The following UBA5 variants were observed in gnomAD, a reference collection of about 807,000 sequenced individuals.
The protein encoded by UBA5 is ubiquitin like modifier activating enzyme 5.
A neutral mutation model predicts 52.9 loss-of-function variants in UBA5; 28 were observed. The observed-to-expected ratio is 0.53, with a 90% CI of 0.39 to 0.73. The LOEUF is 0.73. Ranked by LOEUF, UBA5 falls within the 30% of genes least tolerant of loss-of-function variation. UBA5 has a pLI of 0.00. For synonymous variants in UBA5, 135 were observed against 162.1 expected, an observed-to-expected ratio of 0.83 and a Z score of 1.27; for missense variants, 388 against 492.7, an observed-to-expected ratio of 0.79 and a Z score of 2.01.
chr3:132,662,059 A>G (rs1275575780), intron 1 of UBA5, among the ~76,000 whole-genome samples: 2 of 152,246 alleles, frequency 1.3e-5, no homozygotes, highest in Non-Finnish European at 2.9e-5. Context: ...GCAGAGGAAT[A>G]TGGGTCATGA....
intron 8 of UBA5, among the ~76,000 whole-genome samples, chr3:132,672,811 T>C (rs956035174): frequency 6.6e-6 from 1 of 152,212 alleles, no homozygotes; most frequent in African/African-American, 2.4e-5. Context: ...CTATCTAAAC[T>C]GTAGCTAAAA....
Position 132,675,644 on chromosome 3 carries a change from G to A in UBA5, c.988G>A (p.Glu330Lys). 6.2e-7 allele frequency: 1 copy of A among 1,612,816 alleles called. No individual in the cohort carries two copies. The highest frequency in any genetic ancestry group is 8.5e-7 in the Non-Finnish European group (1 of 1,179,304). Residue 330 changes from glutamate to lysine, a missense_variant, in exon 10 of 12, where the codon GAA becomes AAA. Physicochemically the swap from Glu to Lys is moderately conservative, Grantham distance 56. Around this residue, in one of 3 missense-constraint regions of UBA5, gnomAD observed 277 missense variants for 326.4 expected, o/e 0.85. Transcript: ENST00000356232. ...ACTGCCTAAACAAGAGGTTATACAAGAAGAGGAAGAGATAATCCATGAAGA... is the reference window on the plus strand; with the variant it reads ...ACTGCCTAAACAAGAGGTTATACAAAAAGAGGAAGAGATAATCCATGAAGA... ...AALPKQEVIQ[E>K]EEEIIHEDNE...
upstream of UBA5, chr3:132,659,407 A>T (rs1938002430): frequency 1.5e-6 from 1 of 646,068 alleles, no homozygotes; most frequent in South Asian, 2.2e-5. Context: ...CGCTTCCATT[A>T]CCGCCCTCCA....
chr3:132,664,833 A>G (rs953918511), intron 1 of UBA5, among the ~76,000 whole-genome samples: 4 of 152,148 alleles, frequency 2.6e-5, no homozygotes, highest in African/African-American at 7.2e-5. Flanking sequence ...TCTAGGAGAT[A>G]CATCTTTAAG....
intron 1 of UBA5, among the ~76,000 whole-genome samples, chr3:132,665,051 AC>A (rs1212951400): frequency 1.3e-5 from 2 of 152,116 alleles, no homozygotes; most frequent in Admixed American, 1.3e-4. Context: ...TTAACATCTA[AC>A]CAAGATGACT....
At chr3:132,664,004 A>G (rs2107928616) in intron 1 of UBA5, among the ~76,000 whole-genome samples, 1 of 152,334 alleles carries the variant, frequency 6.6e-6, no homozygotes, top group South Asian at 2.1e-4. Flanking sequence ...GAAAACTAAA[A>G]TAGTAGATAA....
upstream of UBA5, among the ~76,000 whole-genome samples, chr3:132,655,776 T>C (rs563093393): frequency 2.0e-4 from 31 of 152,226 alleles, no homozygotes; most frequent in Non-Finnish European, 4.1e-4. Flanking sequence ...ACATCCTCAG[T>C]GGTTGATACA....
chr3:132,656,495 A>ATT (rs34116314), upstream of UBA5, among the ~76,000 whole-genome samples: 3,255 of 145,856 alleles, frequency 0.022, 49 homozygotes, highest in Middle Eastern at 0.076. Context: ...ATATTGTCAG[A>ATT]TTTTTTTTTT....
At chr3:132,656,845 T>A (rs1427969643), upstream of UBA5, among the ~76,000 whole-genome samples, 3 of 144,708 alleles carry the variant, frequency 2.1e-5, no homozygotes, top group East Asian at 5.9e-4. Flanking sequence ...TTTCTCATTG[T>A]GTTGTTTTTT....
intron 1 of UBA5, 72 bp from the exon 2 acceptor site, chr3:132,665,751 G>A: frequency 2.9e-6 from 4 of 1,372,890 alleles, no homozygotes; most frequent in Non-Finnish European, 4.1e-6. Flanking sequence ...TTTCTGTGAT[G>A]ATGTATGTCT....
At chr3:132,656,580 G>A (rs928846984), upstream of UBA5, among the ~76,000 whole-genome samples, 2 of 150,778 alleles carry the variant, frequency 1.3e-5, no homozygotes, top group Non-Finnish European at 2.9e-5. Context: ...TAAAGCCTCT[G>A]CCTCCCAGGT....
At chr3:132,666,314 CT>C (rs1938377211) in intron 3 of UBA5, among the ~76,000 whole-genome samples, 2 of 152,072 alleles carry the variant, frequency 1.3e-5, no homozygotes, top group Non-Finnish European at 2.9e-5. Flanking sequence ...ACAATTTGGA[CT>C]TAGGTGTTTT....
chr3:132,675,462 A>C, intron 9 of UBA5, 79 bp downstream of exon 9: 1 of 1,547,920 alleles, frequency 6.5e-7, no homozygotes, highest in Admixed American at 1.8e-5. Flanking sequence ...ATACAAGATA[A>C]ATGGTTAATT....
upstream of UBA5, chr3:132,660,004 T>C (rs559228615): frequency 2.3e-6 from 1 of 442,270 alleles, no homozygotes; most frequent in Admixed American, 4.0e-5. This position sits in a 1 kb window ranked among gnomAD's most constrained non-coding sequence, Gnocchi z 4.1. Flanking sequence ...GCGTCAGAGT[T>C]GGAGGCCTCA....
chr3:132,657,266 T>A (rs1048257058), upstream of UBA5, among the ~76,000 whole-genome samples: 1 of 152,228 alleles, frequency 6.6e-6, no homozygotes. Flanking sequence ...AGTGCCAACA[T>A]TGTCACTTAT....
chr3:132,665,591 A>G, intron 1 of UBA5: 1 of 489,972 alleles, frequency 2.0e-6, no homozygotes, highest in South Asian at 3.1e-5. Context: ...CAGAATACAT[A>G]GCTTTTAAAA....
At chr3:132,671,078 T>C in intron 6 of UBA5, 29 bp downstream of exon 6, 1 of 1,562,342 alleles carries the variant, frequency 6.4e-7, no homozygotes, top group Non-Finnish European at 8.8e-7. Context: ...CAAGATATAT[T>C]CATGGATTTA....
intron 3 of UBA5, 158 bp from the exon 4 acceptor site, chr3:132,668,660 C>CATTCAATTATATATCCTTTA (rs1938476092): frequency 2.0e-6 from 1 of 496,900 alleles, no homozygotes; most frequent in African/African-American, 2.0e-5. Context: ...CTCACATGAG[C>CATTCAATTATATATCCTTTA]ATTCAATGAA....
chr3:132,672,599 A>C (rs1231222114), intron 8 of UBA5, among the ~76,000 whole-genome samples: 1 of 152,182 alleles, frequency 6.6e-6, no homozygotes, highest in Non-Finnish European at 1.5e-5. Flanking sequence ...TTTAAGTCTT[A>C]CCAAAAATAA....
Sources: gnomAD v4.1 joint callset for allele counts (sites outside exome capture counted in the v4.1 genomes callset) on GRCh38, gnomAD v4.1.1 for gene constraint, gnomAD v4.1.1 regional missense constraint, Gnocchi (gnomAD v3.1) non-coding constraint, MANE v1.5 for transcripts, NCBI Gene and HGNC (gene_info 2026-07-23, HGNC 2026-07-21) for gene names.